Variants in BZW1 observed in about 807,000 individuals in gnomAD.
BZW1 encodes eIF5-mimic protein 2.
A neutral mutation model predicts 54.1 loss-of-function variants in BZW1; 3 were observed. The ratio of observed to expected loss-of-function variants is 0.06; its 90% confidence interval spans 0.03 to 0.14. The LOEUF (loss-of-function observed/expected upper bound fraction) is 0.14. BZW1 is among the 10% of genes least tolerant of loss of function. The pLI is 1.00. For synonymous variants in BZW1, 152 were observed against 162.7 expected (o/e 0.93, Z 0.50); for missense variants, 206 against 491.7 (o/e 0.42, Z 5.50).
In BZW1 at chr2:200,818,031, T is replaced by C; in HGVS notation, c.596T>C (p.Ile199Thr). The change falls in exon 7 of 12, where the codon ATC becomes ACC. Residue 199 changes from isoleucine (I) to threonine (T), a missense_variant. Coordinates refer to ENST00000409600, the MANE Select transcript of BZW1 (RefSeq NM_001207067.2). Reference sequence around the variant, plus strand: ...AAATCATGGATAAATGAAAAAGATATCAATGCAGTAGCTGCAAGTCTTCGG... The same window carrying C: ...AAATCATGGATAAATGAAAAAGATACCAATGCAGTAGCTGCAAGTCTTCGG... Reference protein sequence around the residue: ...LFKSWINEKDINAVAASLRKV... With the variant: ...LFKSWINEKDTNAVAASLRKV... 2 of 1,555,308 alleles carry C rather than the reference T, an allele frequency of 1.3e-6. No individual in the cohort carries two copies. Among genetic ancestry groups the C allele is most frequent in the Non-Finnish European group, 1.7e-6 (2 of 1,147,988 alleles).
chr2:200,819,446 A>AGG (rs1472854729), intron 9 of BZW1, among the ~76,000 whole-genome samples: 1 of 152,164 alleles, frequency 6.6e-6, no homozygotes, highest in Admixed American at 6.5e-5. Context: ...TTGCTTTTGA[A>AGG]GGGGGTATTG....
Position 200,818,772 on chromosome 2 carries a change from G to C in BZW1, c.837G>C (p.Lys279Asn). 1 of 1,585,072 alleles carries C rather than the reference G, an allele frequency of 6.3e-7. No individual in the cohort carries two copies. The highest frequency in any genetic ancestry group is 8.5e-7 in the Non-Finnish European group (1 of 1,173,018). The change falls in exon 9 of 12, where the codon AAG becomes AAC. Residue 279 changes from lysine to asparagine, a missense_variant. Transcript: ENST00000409600. Reference protein sequence around the residue: ...DPFKDIILYVKEEMKKNNIPE... With the variant: ...DPFKDIILYVNEEMKKNNIPE... ...ATTTGCAGATAATTTTATATGTCAA[G>C]GAGGAGATGAAAAAAAACAACATCC...
rs1344234601 is a variant in BZW1, at chr2:200,822,193, C to A, written c.*15C>A. 3 of 1,590,122 alleles carry A rather than the reference C, an allele frequency of 1.9e-6. No homozygotes were observed. Among genetic ancestry groups the A allele is most frequent in the Middle Eastern group, 1.7e-4 (1 of 5,874 alleles). ...AAGGTGACTGAATTTTGAAACTACA[C>A]CCTCAGTAAAGCAAACAGGAGTTGT... On this transcript the variant is annotated 3_prime_UTR_variant, in exon 12 of 12. Coordinates refer to ENST00000409600, the MANE Select transcript of BZW1 (RefSeq NM_001207067.2).
At chr2:200,819,746 G>T (rs923026823) in intron 9 of BZW1, among the ~76,000 whole-genome samples, 1 of 151,954 alleles carries the variant, frequency 6.6e-6, no homozygotes, top group Non-Finnish European at 1.5e-5. Context: ...ATATTGGCCA[G>T]GCTGGTCTCG....
At chr2:200,816,430 G>A (rs763614270) in intron 5 of BZW1, 40 bp downstream of exon 5, 180 of 1,376,448 alleles carry the variant, frequency 1.3e-4, no homozygotes, top group Non-Finnish European at 1.8e-4. Flanking sequence ...GAAAAAAATA[G>A]GGTTAGAAAG....
At chr2:200,811,771 T>C (rs987476866), upstream of BZW1, 1 of 155,258 alleles carries the variant, frequency 6.4e-6, no homozygotes, top group East Asian at 1.9e-4. Context: ...CCCTCCCCTA[T>C]CCCAGTCCCT....
chr2:200,821,250 T>C lies in BZW1; in HGVS notation c.1173T>C (p.Ser391=). The change falls in exon 11 of 12, where the codon AGT becomes AGC. Residue 391 remains serine (S), a synonymous_variant. Transcript: ENST00000409600. ...ATGCACATGTTGCAAAGGGGAAGAG[T>C]GTTTTCCTTGAGCAAATGAAAAAGT... ...YKDAHVAKGK[S]VFLEQMKKFV... 2 of 1,612,846 alleles carry C rather than the reference T, an allele frequency of 1.2e-6. No individual in the cohort carries two copies. The highest frequency in any genetic ancestry group is 1.7e-6 in the Non-Finnish European group (2 of 1,179,678).
At chr2:200,818,193 A>G (rs756625070) in intron 7 of BZW1, 30 bp from the exon 8 acceptor site, 26 of 1,529,648 alleles carry the variant, frequency 1.7e-5, no homozygotes, top group African/African-American at 9.8e-5. Context: ...TGATTTAAAG[A>G]AAGTTTAACC....
Position 200,823,249 on chromosome 2 carries a change from G to A in BZW1, c.*1071G>A, listed in dbSNP as rs1390873615. On this transcript the variant is annotated 3_prime_UTR_variant, in exon 12 of 12. Coordinates refer to ENST00000409600, the MANE Select transcript of BZW1 (RefSeq NM_001207067.2). ...TACTCGGTCATACTGGACTGGCTTC[G>A]TTCTCTTAATATACTCAGTAATGAC... The A allele has an allele frequency of 2.4e-5, 4 of 165,510 alleles. No homozygotes were observed. Among genetic ancestry groups the A allele is most frequent in the Non-Finnish European group, 5.9e-5 (4 of 68,098 alleles). 10.3% of individuals were successfully genotyped at this position (165,510 alleles called of 1,614,324 possible).
In BZW1 at chr2:200,821,241, G is replaced by A. The variant is rs1186156232; in HGVS notation, c.1164G>A (p.Lys388=). ...LKWYKDAHVA[K]GKSVFLEQMK... ...GGTATAAAGATGCACATGTTGCAAA[G>A]GGGAAGAGTGTTTTCCTTGAGCAAA... is the stretch of plus-strand genomic sequence containing the variant. Residue 388 remains lysine, a synonymous_variant, in exon 11 of 12, where the codon AAG becomes AAA. Coordinates refer to ENST00000409600, the MANE Select transcript of BZW1 (RefSeq NM_001207067.2). The A allele has an allele frequency of 1.9e-6, 3 of 1,612,684 alleles. No individual in the cohort carries two copies. Among genetic ancestry groups the A allele is most frequent in the South Asian group, 1.1e-5 (1 of 91,024 alleles).
rs1210541116 is a variant in BZW1 at position 200,820,434 on chromosome 2, CTT to C, written c.1105+316_1105+317del. On this transcript the variant is annotated intron_variant, in intron 10 of 11. Coordinates refer to ENST00000409600, the MANE Select transcript of BZW1 (RefSeq NM_001207067.2). The stretch of plus-strand genomic sequence containing the variant: ...GTGGCTCATACTTGTGACCCCAACA[CTT>C]TGGGAGCCTGAGGCTGGAGGATCGC... Among the ~76,000 whole-genome samples, 4 of 152,336 alleles carry C rather than the reference CTT, an allele frequency of 2.6e-5. 1 individual carries two copies. Among genetic ancestry groups the C allele is most frequent in the African/African-American group, 9.6e-5 (4 of 41,570 alleles).
chr2:200,817,099 T>C lies in BZW1; in HGVS notation c.403-7T>C. ...GTTTTAACCCTTAATTGTTTTACTT[T>C]TTACAGCTGCTGCTGTTCTTGAAGG... is the stretch of plus-strand genomic sequence containing the variant. On this transcript the variant is annotated splice_region_variant and splice_polypyrimidine_tract_variant and intron_variant, in intron 5 of 11. Coordinates refer to ENST00000409600, the MANE Select transcript of BZW1 (RefSeq NM_001207067.2). 1 of 1,613,244 alleles carries C rather than the reference T, an allele frequency of 6.2e-7. No homozygotes were observed. The highest frequency in any genetic ancestry group is 8.5e-7 in the Non-Finnish European group (1 of 1,179,678).
chr2:200,816,394 T>C lies in BZW1; in HGVS notation c.402+4T>C. 2 of 1,567,036 alleles carry C rather than the reference T, an allele frequency of 1.3e-6. No individual in the cohort carries two copies. The highest frequency in any genetic ancestry group is 1.7e-6 in the Non-Finnish European group (2 of 1,145,002). On this transcript the variant is annotated splice_donor_region_variant and intron_variant, in intron 5 of 11. Coordinates refer to ENST00000409600, the MANE Select transcript of BZW1 (RefSeq NM_001207067.2). ...TTTTGAAGATGAAGTAAAAAAGGTA[T>C]GAGTAATAATGTACTTTGTGGAAAA...
Position 200,826,652 on chromosome 2 carries a change from A to G in BZW1, c.*4474A>G. The G allele has an allele frequency of 2.0e-5, 1 of 49,756 alleles. No homozygotes were observed. Among genetic ancestry groups the G allele is most frequent in the South Asian group, 4.3e-4 (1 of 2,348 alleles). The allele number at this position is 49,756 out of a possible 1,614,324, so 3.1% of individuals were successfully genotyped here. A position where few individuals can be genotyped will look rare whatever the true frequency, so the allele number is the denominator to read the frequency against. On this transcript the variant is annotated 3_prime_UTR_variant, in exon 12 of 12. Transcript: ENST00000409600. ...ACCTTGAATCAGAACCTCAGTTGTT[A>G]AAGGCTTAACTGCTTGTGGCAACTA...
intron 1 of BZW1, chr2:200,812,431 G>T: frequency 7.8e-7 from 1 of 1,285,576 alleles, no homozygotes. Context: ...CTGGGGCCCC[G>T]GCGCAAAGCG....
At position 200,824,703 on chromosome 2, in the gene BZW1, C is replaced by T. The variant is rs1366716151; in HGVS notation, c.*2525C>T. ...TTTTTTTTTTTTTGAGACGGAGTCT[C>T]GCTCTGTCACCAGGCTGGAGTGCAG... On this transcript the variant is annotated 3_prime_UTR_variant, in exon 12 of 12. Transcript: ENST00000409600. 7.1e-6 allele frequency: 1 copy of T among 140,448 alleles called. No individual in the cohort carries two copies. Among genetic ancestry groups the T allele is most frequent in the African/African-American group, 2.7e-5 (1 of 36,946 alleles). The allele number at this position is 140,448 out of a possible 1,614,324, so 8.7% of individuals were successfully genotyped here. A position where few individuals can be genotyped will look rare whatever the true frequency, so the allele number is the denominator to read the frequency against.
rs1559318443 is a variant in BZW1 at position 200,826,418 on chromosome 2, T to TGATAGATAGATAGATAGATAGA, written c.*4240_*4241insGATAGATAGATAGATAGATAGA. 3.9e-5 allele frequency: 3 copies of TGATAGATAGATAGATAGATAGA among 76,218 alleles called. No individual in the cohort carries two copies. Among genetic ancestry groups the TGATAGATAGATAGATAGATAGA allele is most frequent in the East Asian group, 1.1e-3 (2 of 1,788 alleles). The allele number at this position is 76,218 out of a possible 1,614,324, so 4.7% of individuals were successfully genotyped here. On this transcript the variant is annotated 3_prime_UTR_variant, in exon 12 of 12. Coordinates refer to ENST00000409600, the MANE Select transcript of BZW1 (RefSeq NM_001207067.2). ...ATAGATAGATAGATATTTTTTTTTT[T>TGATAGATAGATAGATAGATAGA]TTTTTTTTTTTTTTTTTTTTTTTTG...
In BZW1 at chr2:200,826,401, ATAGATATTTTT is replaced by A. The variant is rs1341753023; in HGVS notation, c.*4225_*4235del. ...GATAGATAGATAGATAGATAGATAGATAGATATTTTTTTTTTTTTTTTTTTTTTTTTTTTTT... is the reference window on the plus strand; with the variant it reads ...GATAGATAGATAGATAGATAGATAGATTTTTTTTTTTTTTTTTTTTTTTTT... On this transcript the variant is annotated 3_prime_UTR_variant, in exon 12 of 12. Transcript: ENST00000409600. 1.2e-3 allele frequency: 78 copies of A among 65,232 alleles called. 1 individual carries two copies. The highest frequency in any genetic ancestry group is 4.1e-3 in the African/African-American group (74 of 18,142). 4.0% of individuals were successfully genotyped at this position (65,232 alleles called of 1,614,324 possible). A position where few individuals can be genotyped will look rare whatever the true frequency, so the allele number is the denominator to read the frequency against.
intron 2 of BZW1, among the ~76,000 whole-genome samples, chr2:200,813,604 CA>C (rs1240275563): frequency 6.6e-6 from 1 of 152,076 alleles, no homozygotes. Flanking sequence ...CTTAAATGAG[CA>C]AAAATGTTAA....
Sources: allele counts gnomAD v4.1 joint callset (sites outside exome capture counted in the v4.1 genomes callset), GRCh38; gene constraint gnomAD v4.1.1; transcripts MANE v1.5; gene names NCBI Gene and HGNC (gene_info 2026-07-23, HGNC 2026-07-21).